The following UBA3 variants were observed in gnomAD, a reference collection of about 807,000 sequenced individuals.
UBA3 encodes the protein ubiquitin like modifier activating enzyme 3.
UBA3 carries 26 observed loss-of-function variants against 73.5 expected under a neutral mutation model. The ratio of observed to expected loss-of-function variants is 0.35; its 90% confidence interval spans 0.26 to 0.49. The LOEUF (loss-of-function observed/expected upper bound fraction) is 0.49. Ranked by LOEUF, UBA3 falls within the 20% of genes least tolerant of loss-of-function variation. The probability of loss-of-function intolerance (pLI) is 0.98; values close to 1 mark genes in which losing one functional copy is unlikely to be tolerated. For synonymous variants in UBA3, 217 were observed against 191.2 expected, an observed-to-expected ratio of 1.13 and a Z score of -1.11; for missense variants, 495 against 555.6, an observed-to-expected ratio of 0.89 and a Z score of 1.10.
At chr3:69,074,811 A>T (rs1189110844) in intron 4 of UBA3, among the ~76,000 whole-genome samples, 2 of 152,224 alleles carry the variant, frequency 1.3e-5, no homozygotes, top group African/African-American at 4.8e-5. Context: ...AATATATGCA[A>T]ATAAGTTCAG....
intron 11 of UBA3, among the ~76,000 whole-genome samples, chr3:69,060,967 A>G (rs1330308595): frequency 6.6e-6 from 1 of 152,250 alleles, no homozygotes; most frequent in Non-Finnish European, 1.5e-5. Context: ...AGCCTGCAGA[A>G]CCATGAGCCA....
rs777559572 is a variant in UBA3, at chr3:69,061,889, G to T, written c.835C>A (p.Gln279Lys). ...TCTAGGGATTTTTGGAAAATCCATT[G>T]TATATGTTCAGGATCATCTCCATCT... ...PLDGDDPEHIQWIFQKSLERA... is the reference protein window; with the variant it reads ...PLDGDDPEHIKWIFQKSLERA... Residue 279 changes from glutamine to lysine, a missense_variant, in exon 11 of 18, where the codon CAA becomes AAA. Gln to Lys is a moderately conservative substitution (Grantham distance 53). Coordinates refer to ENST00000361055, the MANE Select transcript of UBA3 (RefSeq NM_003968.4). 3.1e-6 allele frequency: 5 copies of T among 1,609,528 alleles called. No homozygotes were observed. The highest frequency in any genetic ancestry group is 1.3e-5 in the African/African-American group (1 of 74,152).
At chr3:69,078,721 C>T (rs1044786313) in intron 2 of UBA3, among the ~76,000 whole-genome samples, 1 of 152,192 alleles carries the variant, frequency 6.6e-6, no homozygotes, top group Non-Finnish European at 1.5e-5. Flanking sequence ...AATCCGTCCA[C>T]CTCGGCCTCC....
intron 7 of UBA3, 136 bp from the exon 8 acceptor site, chr3:69,063,639 G>T: frequency 1.4e-6 from 1 of 736,524 alleles, no homozygotes; most frequent in Non-Finnish European, 2.1e-6. Context: ...GTGTTTGTGG[G>T]AACAGGAAGC....
rs760451436 is a variant in UBA3 at position 69,061,857 on chromosome 3, T to G, written c.867A>C (p.Ala289=). The G allele has an allele frequency of 4.3e-6, 7 of 1,611,468 alleles. No individual in the cohort carries two copies. The highest frequency in any genetic ancestry group is 5.9e-6 in the Non-Finnish European group (7 of 1,179,000). ...TAACACCCCTAATATTATATTGTGA[T>G]GCTCTCTCTAGGGATTTTTGGAAAA... ...QWIFQKSLER[A]SQYNIRGVTY... Residue 289 remains alanine (A), a synonymous_variant, in exon 11 of 18, where the codon GCA becomes GCC. Coordinates refer to ENST00000361055, the MANE Select transcript of UBA3 (RefSeq NM_003968.4).
At position 69,057,302 on chromosome 3, in the gene UBA3, T is replaced by C; in HGVS notation, c.918A>G (p.Val306=). The C allele has an allele frequency of 6.2e-7, 1 of 1,610,236 alleles. No individual in the cohort carries two copies. The highest frequency in any genetic ancestry group is 8.5e-7 in the Non-Finnish European group (1 of 1,178,836). ...AAGCTACTGCAGGAATGATTCTTTT[T>C]ACTACCCCTGAAAAAACATATCAAT... The part of the protein sequence containing the change: ...GVTYRLTQGV[V]KRIIPAVAST... Residue 306 remains valine, a synonymous_variant, in exon 12 of 18, where the codon GTA becomes GTG. Coordinates refer to ENST00000361055, the MANE Select transcript of UBA3 (RefSeq NM_003968.4).
At position 69,056,083 on chromosome 3, in the gene UBA3, A is replaced by G; in HGVS notation, c.1185-20T>C. ...ATTTGCCTAAAGATTATGATGAGAG[A>G]GAAGTATCAAACATAATTTTTATCA... On this transcript the variant is annotated intron_variant, in intron 15 of 17. Coordinates refer to ENST00000361055, the MANE Select transcript of UBA3 (RefSeq NM_003968.4). The G allele has an allele frequency of 6.3e-7, 1 of 1,583,358 alleles. No homozygotes were observed. The highest frequency in any genetic ancestry group is 1.2e-5 in the South Asian group (1 of 85,020).
chr3:69,058,024 G>A (rs1426489558), intron 11 of UBA3, among the ~76,000 whole-genome samples: 1 of 145,636 alleles, frequency 6.9e-6, no homozygotes, highest in East Asian at 2.0e-4. Context: ...TCCGCCTTCT[G>A]GGTTCACGCC....
intron 6 of UBA3, among the ~76,000 whole-genome samples, chr3:69,065,755 T>C (rs889086044): frequency 1.3e-5 from 2 of 152,100 alleles, no homozygotes; most frequent in Admixed American, 1.3e-4. Context: ...TCTATAATTC[T>C]GTAATTTCAA....
At chr3:69,060,859 G>A (rs891873981) in intron 11 of UBA3, among the ~76,000 whole-genome samples, 7 of 152,076 alleles carry the variant, frequency 4.6e-5, no homozygotes, top group Non-Finnish European at 1.0e-4. Context: ...GCTCCCTCTC[G>A]TCATATGACA....
intron 2 of UBA3, chr3:69,079,871 G>A: frequency 4.0e-6 from 2 of 499,478 alleles, no homozygotes; most frequent in East Asian, 7.1e-5. Context: ...GCACCCCGGA[G>A]GGCCCCTGCA....
At chr3:69,072,687 G>T (rs764077386) in intron 4 of UBA3, among the ~76,000 whole-genome samples, 2 of 152,160 alleles carry the variant, frequency 1.3e-5, no homozygotes, top group Non-Finnish European at 2.9e-5. Context: ...GGTGATCTCA[G>T]ACCATCTTGT....
chr3:69,073,303 G>T (rs902092361), intron 4 of UBA3, among the ~76,000 whole-genome samples: 2 of 152,178 alleles, frequency 1.3e-5, no homozygotes, highest in African/African-American at 4.8e-5. Context: ...CTGCTCTAGC[G>T]ATGATAGCCT....
chr3:69,064,036 T>C (rs1411851701), intron 7 of UBA3, 32 bp downstream of exon 7: 2 of 1,571,128 alleles, frequency 1.3e-6, no homozygotes, highest in Non-Finnish European at 1.7e-6. Context: ...TCTAAGAATC[T>C]AGTGAGCATT....
intron 6 of UBA3, among the ~76,000 whole-genome samples, chr3:69,065,464 G>T (rs559497139): frequency 1.0e-3 from 159 of 152,248 alleles, no homozygotes; most frequent in African/African-American, 3.6e-3. Context: ...ATAGATTTGT[G>T]TAACCACCAC....
chr3:69,074,154 A>G (rs2092145215), intron 4 of UBA3, among the ~76,000 whole-genome samples: 1 of 152,210 alleles, frequency 6.6e-6, no homozygotes, highest in Non-Finnish European at 1.5e-5. Context: ...AAATTAGTAA[A>G]TGTCACATTT....
intron 12 of UBA3, 103 bp downstream of exon 12, chr3:69,057,153 C>T (rs1866264): frequency 0.35 from 409,131 of 1,180,784 alleles, 73,226 homozygotes; most frequent in East Asian, 0.44. Flanking sequence ...AGTTACACAA[C>T]CCATCCAAGA....
At chr3:69,057,941 T>A (rs1039669771) in intron 11 of UBA3, among the ~76,000 whole-genome samples, 4 of 149,504 alleles carry the variant, frequency 2.7e-5, no homozygotes, top group African/African-American at 9.9e-5. Flanking sequence ...TTTTTTTTTT[T>A]TTGAGACAGA....
intron 6 of UBA3, among the ~76,000 whole-genome samples, chr3:69,065,676 A>C (rs1056851436): frequency 6.6e-6 from 1 of 152,182 alleles, no homozygotes; most frequent in Non-Finnish European, 1.5e-5. Flanking sequence ...AACCAGGCTC[A>C]AGTGATCTTC....
Sources: gnomAD v4.1 joint callset for allele counts (sites outside exome capture counted in the v4.1 genomes callset) on GRCh38, gnomAD v4.1.1 for gene constraint, MANE v1.5 for transcripts, NCBI Gene and HGNC (gene_info 2026-07-23, HGNC 2026-07-21) for gene names.